Variants in RIMS1 observed in about 807,000 individuals in gnomAD.
RIMS1 encodes the protein regulating synaptic membrane exocytosis 1.
Under a neutral mutation model 214.1 loss-of-function variants are expected in RIMS1, and 83 were observed. The observed-to-expected ratio is 0.39, with a 90% CI of 0.32 to 0.47. The LOEUF (loss-of-function observed/expected upper bound fraction) is 0.47, where lower values mean the gene tolerates loss of function less well. RIMS1 is among the 20% of genes least tolerant of loss of function. The pLI, the probability that RIMS1 is intolerant of heterozygous loss-of-function variation, is 0.99. For missense variants in RIMS1, 2,050 were observed against 2,161.8 expected (o/e 0.95, Z 1.03); for synonymous variants, 793 against 786.8 (o/e 1.01, Z -0.13).
intron 2 of RIMS1, among the ~76,000 whole-genome samples, chr6:72,068,897 C>T (rs550178134): frequency 7.1e-6 from 1 of 141,162 alleles, no homozygotes; most frequent in Non-Finnish European, 1.5e-5. Flanking sequence ...GGCGACAGAG[C>T]AAGACTCCGT....
chr6:72,109,469 T>A (rs2035550213), intron 4 of RIMS1, among the ~76,000 whole-genome samples: 1 of 152,176 alleles, frequency 6.6e-6, no homozygotes, highest in African/African-American at 2.4e-5. Flanking sequence ...GGGCATTTTT[T>A]CATGTGTTTT....
At position 72,155,366 on chromosome 6, in the gene RIMS1, A is replaced by G. The variant is rs2044299594; in HGVS notation, c.472-24209A>G. Among the ~76,000 whole-genome samples, 4 of 140,076 alleles carry G rather than the reference A, an allele frequency of 2.9e-5. 1 individual carries two copies. In the South Asian group the frequency reaches 9.4e-4, roughly 33 times the overall value. The allele number at this position is 140,076 out of a possible 152,430, so 91.9% of individuals were successfully genotyped here. A position where few individuals can be genotyped will look rare whatever the true frequency, so the allele number is the denominator to read the frequency against. On this transcript the variant is annotated intron_variant, in intron 4 of 33. Coordinates refer to ENST00000521978, the MANE Select transcript of RIMS1 (RefSeq NM_014989.7). ...AAATTTCTTCCTCCAGATACCCTAA[A>G]TCATCTCTCTGAGCCCTCCAAACTG...
At chr6:72,101,025 G>T (rs561649118) in intron 4 of RIMS1, among the ~76,000 whole-genome samples, 10 of 152,038 alleles carry the variant, frequency 6.6e-5, no homozygotes, top group African/African-American at 2.4e-4. Context: ...TTATTATAAT[G>T]CCAATTTCAT....
intron 2 of RIMS1, among the ~76,000 whole-genome samples, chr6:72,020,660 G>A (rs1814350974): frequency 1.3e-5 from 2 of 152,186 alleles, no homozygotes; most frequent in South Asian, 4.1e-4. Context: ...AGTCAGAAAT[G>A]TTGGACTATT....
intron 31 of RIMS1, among the ~76,000 whole-genome samples, chr6:72,395,969 T>C (rs1200202323): frequency 6.6e-6 from 1 of 151,316 alleles, no homozygotes; most frequent in Non-Finnish European, 1.5e-5. Context: ...AATTGAAAAA[T>C]TTTCAGAACT....
At chr6:71,889,857 G>A (rs1769068038) in intron 1 of RIMS1, among the ~76,000 whole-genome samples, 1 of 152,114 alleles carries the variant, frequency 6.6e-6, no homozygotes, top group African/African-American at 2.4e-5. Flanking sequence ...TGGTAATTAT[G>A]GGTGATCATA....
At chr6:71,914,412 A>G (rs1239903365) in intron 1 of RIMS1, among the ~76,000 whole-genome samples, 2 of 152,110 alleles carry the variant, frequency 1.3e-5, no homozygotes, top group Non-Finnish European at 2.9e-5. Context: ...AGTTTAGAAC[A>G]AATAACACAG....
chr6:72,286,287 A>T (rs886340221), intron 24 of RIMS1, among the ~76,000 whole-genome samples: 2 of 152,138 alleles, frequency 1.3e-5, no homozygotes. Flanking sequence ...TGGCAATAAG[A>T]TACTATTTTA....
chr6:72,165,449 G>A (rs948944712), intron 4 of RIMS1, among the ~76,000 whole-genome samples: 11 of 151,930 alleles, frequency 7.2e-5, no homozygotes, highest in South Asian at 2.1e-4. Flanking sequence ...CCTGTGGGTC[G>A]GTTGGTCTAT....
At chr6:72,237,693 G>T in intron 8 of RIMS1, 130 bp from the exon 9 acceptor site, 2 of 650,668 alleles carry the variant, frequency 3.1e-6, no homozygotes, top group Admixed American at 2.9e-5. Flanking sequence ...AAAAAAAAGT[G>T]CTTCACTTCA....
chr6:72,393,484 G>A (rs989299493), intron 31 of RIMS1, among the ~76,000 whole-genome samples: 2 of 152,168 alleles, frequency 1.3e-5, no homozygotes, highest in African/African-American at 4.8e-5. Flanking sequence ...CAGCACTTTG[G>A]GAGGCCGAGA....
At chr6:71,926,321 A>C (rs902470129) in intron 1 of RIMS1, among the ~76,000 whole-genome samples, 2 of 152,230 alleles carry the variant, frequency 1.3e-5, no homozygotes, top group Non-Finnish European at 2.9e-5. Context: ...TTAATTCAGT[A>C]ACTTTAGATA....
intron 2 of RIMS1, among the ~76,000 whole-genome samples, chr6:72,028,748 A>G (rs1817256399): frequency 6.6e-6 from 1 of 152,222 alleles, no homozygotes; most frequent in Non-Finnish European, 1.5e-5. Context: ...AGAAGTATTC[A>G]GAATACATAT....
intron 4 of RIMS1, among the ~76,000 whole-genome samples, chr6:72,172,104 C>T (rs945808222): frequency 6.6e-6 from 1 of 152,116 alleles, no homozygotes; most frequent in Middle Eastern, 3.4e-3. Flanking sequence ...GTAAGAAATA[C>T]TATGAATTTA....
At chr6:72,195,867 T>A (rs111458580) in intron 6 of RIMS1, among the ~76,000 whole-genome samples, 4 of 152,008 alleles carry the variant, frequency 2.6e-5, no homozygotes, top group African/African-American at 4.8e-5. Flanking sequence ...AGAATCATGA[T>A]GGAAGGGGAA....
chr6:72,021,882 G>A (rs922420640), intron 2 of RIMS1, among the ~76,000 whole-genome samples: 10 of 152,146 alleles, frequency 6.6e-5, no homozygotes, highest in African/African-American at 2.4e-4. Context: ...CCTTTGAGGA[G>A]TAAGTCCCAG....
At chr6:72,328,464 C>A (rs954118666) in intron 28 of RIMS1, among the ~76,000 whole-genome samples, 17 of 151,604 alleles carry the variant, frequency 1.1e-4, no homozygotes, top group African/African-American at 2.9e-4. Context: ...GAACTCCCCC[C>A]AAAAAATCTT....
chr6:72,154,412 C>A lies in RIMS1; in HGVS notation c.472-25163C>A, dbSNP rs761405947. Among the ~76,000 whole-genome samples, 2 of 140,650 alleles carry A rather than the reference C, an allele frequency of 1.4e-5. 1 individual carries two copies. Among genetic ancestry groups the A allele is most frequent in the South Asian group, 4.7e-4 (2 of 4,252 alleles). The allele number at this position is 140,650 out of a possible 152,430, so 92.3% of individuals were successfully genotyped here. A position where few individuals can be genotyped will look rare whatever the true frequency, so the allele number is the denominator to read the frequency against. ...AAAAGATTCACCTGTCAAGGAATTG[C>A]AGTTTATTAGAGATGAAAACAATGA... On this transcript the variant is annotated intron_variant, in intron 4 of 33. Transcript: ENST00000521978.
chr6:72,341,848 T>C (rs1344621583), intron 29 of RIMS1, among the ~76,000 whole-genome samples: 1 of 151,818 alleles, frequency 6.6e-6, no homozygotes, highest in African/African-American at 2.4e-5. Flanking sequence ...TTATTTATTA[T>C]ATCATTAACA....
Sources: allele counts gnomAD v4.1 joint callset (sites outside exome capture counted in the v4.1 genomes callset), GRCh38; gene constraint gnomAD v4.1.1; transcripts MANE v1.5; gene names NCBI Gene and HGNC (gene_info 2026-07-23, HGNC 2026-07-21).